GLYR1: variants seen among roughly 807,000 people sequenced by gnomAD.
The protein encoded by GLYR1 is glyoxylate reductase 1 homolog.
A neutral mutation model predicts 72.7 loss-of-function variants in GLYR1; 21 were observed. That is an observed-to-expected ratio of 0.29 (90% CI 0.20 to 0.42). The LOEUF (loss-of-function observed/expected upper bound fraction) is 0.42, where lower values mean the gene tolerates loss of function less well. Among genes scored for constraint, GLYR1 ranks in the 10% least tolerant of loss-of-function variants. The pLI is 1.00. For synonymous variants in GLYR1, 392 were observed against 270.2 expected (o/e 1.45, Z -4.42); for missense variants, 594 against 712.1 (o/e 0.83, Z 1.89).
chr16:4,844,834 TA>T (rs1339046645), intron 3 of GLYR1, among the ~76,000 whole-genome samples: 1 of 152,220 alleles, frequency 6.6e-6, no homozygotes, highest in African/African-American at 2.4e-5. Flanking sequence ...GTGATTGTTA[TA>T]GTTAGAAGGT....
At chr16:4,812,317 G>C in intron 12 of GLYR1, 69 bp from the exon 13 acceptor site, 1 of 1,510,650 alleles carries the variant, frequency 6.6e-7, no homozygotes, top group Non-Finnish European at 8.9e-7. Flanking sequence ...GACTCAAGGA[G>C]TGTTGCTGAG....
At chr16:4,817,444 C>G (rs1041971694) in intron 10 of GLYR1, among the ~76,000 whole-genome samples, 154 bp downstream of exon 10, 1 of 152,056 alleles carries the variant, frequency 6.6e-6, no homozygotes, top group East Asian at 1.9e-4. Flanking sequence ...TAATAACATC[C>G]TAAGTTTAGG....
At chr16:4,821,490 C>A (rs1567710037) in intron 8 of GLYR1, 37 bp from the exon 9 acceptor site, 4 of 1,614,036 alleles carry the variant, frequency 2.5e-6, no homozygotes, top group South Asian at 1.1e-5. Context: ...AGTCAGTCTG[C>A]CTGCAGTTTA....
intron 3 of GLYR1, among the ~76,000 whole-genome samples, chr16:4,844,096 A>AGCCT (rs2085763046): frequency 6.8e-6 from 1 of 148,046 alleles, no homozygotes; most frequent in South Asian, 2.2e-4. Context: ...CCTGGGTGAC[A>AGCCT]GAGTGAAACT....
intron 3 of GLYR1, among the ~76,000 whole-genome samples, chr16:4,836,884 C>A (rs1439364168): frequency 6.6e-6 from 1 of 151,920 alleles, no homozygotes; most frequent in East Asian, 1.9e-4. Flanking sequence ...ATGCCGACTG[C>A]CCAGAGGGTT....
chr16:4,832,830 G>A lies in GLYR1; in HGVS notation c.238C>T (p.Gln80Ter). 6.2e-7 allele frequency: 1 copy of A among 1,613,594 alleles called. No individual in the cohort carries two copies. Among genetic ancestry groups the A allele is most frequent in the Non-Finnish European group, 8.5e-7 (1 of 1,179,810 alleles). The change falls in exon 4 of 16, where the codon CAG becomes TAG. Residue 80 changes from glutamine (Q) to a stop codon, truncating the protein, a stop_gained. Transcript: ENST00000321919. LOFTEE classifies it high-confidence loss of function. Reference sequence around the variant, plus strand: ...TCTTCGACAGCATCTACCGCTTGCTGGAATCGTTTACCCTTGTTAATTTTT... The same window carrying A: ...TCTTCGACAGCATCTACCGCTTGCTAGAATCGTTTACCCTTGTTAATTTTT... ...MIKINKGKRF[Q>*]QAVDAVEEFL...
rs2083300781 is a variant in GLYR1 at position 4,811,107 on chromosome 16, A to C, written c.1587+63T>G. On this transcript the variant is annotated intron_variant, in intron 15 of 15. Coordinates refer to ENST00000321919, the MANE Select transcript of GLYR1 (RefSeq NM_032569.4). ...GTGACAGAGTGAGACTCCGTTAAAA[A>C]AAAAAAAAAAAGAAAGAAAAAGAAA... 2.6e-6 allele frequency: 4 copies of C among 1,556,222 alleles called. No individual in the cohort carries two copies. The South Asian group carries it at 4.9e-5, about 19-fold the overall frequency.
chr16:4,810,767 C>A (rs1318136236), intron 15 of GLYR1, among the ~76,000 whole-genome samples: 2 of 130,344 alleles, frequency 1.5e-5, no homozygotes, highest in African/African-American at 6.0e-5. Flanking sequence ...CCTGAGGCGA[C>A]AGAGCAAGAC....
At chr16:4,846,063 C>G in intron 2 of GLYR1, 111 bp downstream of exon 2, 2 of 1,210,878 alleles carry the variant, frequency 1.7e-6, no homozygotes, top group South Asian at 1.2e-5. Flanking sequence ...TAAGTGCCAT[C>G]TGAATGAGCC....
chr16:4,816,072 T>C (rs2083624090), intron 10 of GLYR1, among the ~76,000 whole-genome samples: 1 of 152,088 alleles, frequency 6.6e-6, no homozygotes, highest in African/African-American at 2.4e-5. Flanking sequence ...CCCGGCCTTG[T>C]TTGATATATT....
At chr16:4,813,877 C>T (rs753637611) in intron 11 of GLYR1, 39 bp from the exon 12 acceptor site, 19 of 1,509,146 alleles carry the variant, frequency 1.3e-5, no homozygotes, top group South Asian at 2.4e-5. Flanking sequence ...CCCAGGCTCC[C>T]GGGCAGATGC....
At chr16:4,819,964 T>A (rs1190905039) in intron 9 of GLYR1, among the ~76,000 whole-genome samples, 1 of 152,178 alleles carries the variant, frequency 6.6e-6, no homozygotes, top group Non-Finnish European at 1.5e-5. Context: ...CTTTCCTTTC[T>A]TGGTGTTCTA....
At position 4,847,237 on chromosome 16, in the gene GLYR1, T is replaced by C. The variant is rs759166789; in HGVS notation, c.29A>G (p.Asp10Gly). The part of the protein sequence containing the change: MAAVSLRLG[D>G]LVWGKLGRYP... ...GGCCGCTCGGACTCACCACACCAAG[T>C]CGCCGAGCCGCAGACTCACAGCCGC... Residue 10 changes from aspartate to glycine, a missense_variant, in exon 1 of 16, where the codon GAC becomes GGC. By Grantham distance (94) the Asp-to-Gly change is moderately conservative. Transcript: ENST00000321919. 6.2e-7 allele frequency: 1 copy of C among 1,606,976 alleles called. No homozygotes were observed. The highest frequency in any genetic ancestry group is 8.5e-7 in the Non-Finnish European group (1 of 1,178,074).
intron 9 of GLYR1, 40 bp downstream of exon 9, chr16:4,821,340 G>A: frequency 6.2e-7 from 1 of 1,605,456 alleles, no homozygotes; most frequent in Non-Finnish European, 8.5e-7. Flanking sequence ...ACCCTCAGCA[G>A]AACCAGAGCC....
intron 7 of GLYR1, 118 bp from the exon 8 acceptor site, chr16:4,821,715 A>C: frequency 1.1e-6 from 1 of 869,754 alleles, no homozygotes; most frequent in Non-Finnish European, 1.9e-6. Flanking sequence ...TTTGTTTTAT[A>C]CTTTAGTGAA....
rs1235820645 is a variant in GLYR1 at position 4,832,089 on chromosome 16, C to T, written c.427G>A (p.Gly143Arg). 4 of 1,614,204 alleles carry T rather than the reference C, an allele frequency of 2.5e-6. No individual in the cohort carries two copies. Among genetic ancestry groups the T allele is most frequent in the Non-Finnish European group, 3.4e-6 (4 of 1,180,048 alleles). The change falls in exon 5 of 16, where the codon GGA becomes AGA. Residue 143 changes from glycine (G) to arginine (R), a missense_variant. Transcript: ENST00000321919. Reference protein sequence around the residue: ...EGKVKKNMGEGKKRVSSGSSE... With the variant: ...EGKVKKNMGERKKRVSSGSSE... ...GAGCCTGAAGACACCCTCTTCTTTC[C>T]TTCTCCCATGTTCTTCTTCACCTTC...
chr16:4,813,119 C>T (rs1406701714), intron 12 of GLYR1, among the ~76,000 whole-genome samples: 3 of 152,090 alleles, frequency 2.0e-5, no homozygotes, highest in African/African-American at 4.8e-5. Context: ...CCCGCCACCG[C>T]GTCCGGCTAA....
At chr16:4,823,239 C>T (rs532032144) in intron 6 of GLYR1, among the ~76,000 whole-genome samples, 1 of 152,242 alleles carries the variant, frequency 6.6e-6, no homozygotes, top group Non-Finnish European at 1.5e-5. Context: ...AAATTCGGTA[C>T]TCATCAGGCA....
Position 4,812,179 on chromosome 16 carries a change from C to T in GLYR1, c.1189G>A (p.Gly397Arg). The change falls in exon 13 of 16, where the codon GGG becomes AGG. Residue 397 changes from glycine to arginine, a missense_variant. Physicochemically the swap from Gly to Arg is moderately radical, Grantham distance 125. This residue lies in a region of GLYR1 where 266 missense variants were observed against 358.4 expected (regional missense o/e 0.74). Coordinates refer to ENST00000321919, the MANE Select transcript of GLYR1 (RefSeq NM_032569.4). ...CCAGCCGCTAAGATCACCAACATCCCGTCATTAGACAGCTGCTGATTCCCT... is the reference window on the plus strand; with the variant it reads ...CCAGCCGCTAAGATCACCAACATCCTGTCATTAGACAGCTGCTGATTCCCT... Reference protein sequence around the residue: ...VSGNQQLSNDGMLVILAAGDR... With the variant: ...VSGNQQLSNDRMLVILAAGDR... 1.2e-6 allele frequency: 2 copies of T among 1,614,170 alleles called. No homozygotes were observed. The highest frequency in any genetic ancestry group is 1.7e-6 in the Non-Finnish European group (2 of 1,180,038).
Sources: gnomAD v4.1 joint callset for allele counts (sites outside exome capture counted in the v4.1 genomes callset) on GRCh38, gnomAD v4.1.1 for gene constraint, gnomAD v4.1.1 regional missense constraint, MANE v1.5 for transcripts, NCBI Gene and HGNC (gene_info 2026-07-23, HGNC 2026-07-21) for gene names.